DEFB121: variants seen among roughly 807,000 people sequenced by gnomAD.
DEFB121 encodes the protein beta-defensin 121.
A neutral mutation model predicts 2.5 loss-of-function variants in DEFB121; 5 were observed. The ratio of observed to expected loss-of-function variants is 1.96; its 90% CI spans 1.03 to 4.13. DEFB121 has a LOEUF of 4.13. Among genes scored for constraint, DEFB121 ranks in the 30% most tolerant of loss-of-function variants. The pLI is 0.00. For synonymous variants in DEFB121, 39 were observed against 32.6 expected (o/e 1.20, Z -0.67); for missense variants, 87 against 85.0 (o/e 1.02, Z -0.09).
chr20:31,409,629 TA>T (rs1458414096), upstream of DEFB121, among the ~76,000 whole-genome samples: 1 of 152,148 alleles, frequency 6.6e-6, no homozygotes, highest in African/African-American at 2.4e-5. Flanking sequence ...TAATCCCAGC[TA>T]CTTGGTAGGC....
upstream of DEFB121, among the ~76,000 whole-genome samples, chr20:31,415,648 A>AATAT (rs3068507): frequency 2.9e-4 from 44 of 151,356 alleles, no homozygotes; most frequent in South Asian, 6.3e-4. Flanking sequence ...AATCAAAATA[A>AATAT]ATATATATAT....
At chr20:31,418,259 C>CAAGAAAAAAAAAAAAAA in the DEFB121 span, among the ~76,000 whole-genome samples, 1 of 82,922 alleles carries the variant, frequency 1.2e-5, no homozygotes, top group Non-Finnish European at 2.5e-5. Context: ...GACTCCGTCT[C>CAAGAAAAAAAAAAAAAA]AAAAAAAAAA....
chr20:31,412,621 C>T, intron 1 of DEFB121: 1 of 1,290,926 alleles, frequency 7.7e-7, no homozygotes. Flanking sequence ...TGAATCCTCA[C>T]CTTCCTTGAC....
chr20:31,413,468 T>A (rs1023701029), upstream of DEFB121, among the ~76,000 whole-genome samples: 1 of 152,100 alleles, frequency 6.6e-6, no homozygotes, highest in East Asian at 1.9e-4. Context: ...AAAAGAAGAA[T>A]CTTGGTGGCT....
At chr20:31,407,714 G>A (rs17090740), upstream of DEFB121, among the ~76,000 whole-genome samples, 3,028 of 152,332 alleles carry the variant, frequency 0.02, 70 homozygotes, top group African/African-American at 0.056. Flanking sequence ...CACAAGGCCA[G>A]CAGATAGATC....
chr20:31,409,077 G>C (rs1978581141), upstream of DEFB121, among the ~76,000 whole-genome samples: 2 of 151,446 alleles, frequency 1.3e-5, no homozygotes, highest in Admixed American at 6.6e-5. Flanking sequence ...CCAGGAGTTT[G>C]AGACCAGCCT....
the DEFB121 span, among the ~76,000 whole-genome samples, chr20:31,418,110 A>C: frequency 6.8e-6 from 1 of 148,110 alleles, no homozygotes; most frequent in Non-Finnish European, 1.5e-5. Flanking sequence ...AATACAAAAA[A>C]TTAGCCGGGC....
upstream of DEFB121, among the ~76,000 whole-genome samples, chr20:31,410,686 T>G (rs1164254814): frequency 1.3e-5 from 2 of 152,072 alleles, no homozygotes; most frequent in Non-Finnish European, 2.9e-5. Context: ...GGAACCCATT[T>G]CCTCTCCTTC....
chr20:31,405,202 G>C (rs1453546056), intron 1 of DEFB121, 117 bp from the exon 2 acceptor site: 25 of 978,870 alleles, frequency 2.6e-5, no homozygotes, highest in Non-Finnish European at 3.7e-5. Context: ...GGTCTGTGGG[G>C]AAGAAGCTCT....
chr20:31,417,441 T>C (rs189236925), upstream of DEFB121, among the ~76,000 whole-genome samples: 81 of 151,112 alleles, frequency 5.4e-4, 1 homozygote, highest in East Asian at 0.013. Context: ...ATGACAGAGA[T>C]AAAATAAAAG....
chr20:31,409,174 T>A (rs994825725), upstream of DEFB121, among the ~76,000 whole-genome samples: 1 of 152,186 alleles, frequency 6.6e-6, no homozygotes, highest in Admixed American at 6.5e-5. Flanking sequence ...TTTCTTGGTA[T>A]CTCCACTTTG....
upstream of DEFB121, among the ~76,000 whole-genome samples, chr20:31,417,581 T>C (rs1568742101): frequency 6.6e-6 from 1 of 152,040 alleles, no homozygotes; most frequent in Non-Finnish European, 1.5e-5. Flanking sequence ...TAAAGGAAGA[T>C]TGTCCTAAAA....
chr20:31,415,545 G>A (rs962790240), upstream of DEFB121, among the ~76,000 whole-genome samples: 19 of 151,976 alleles, frequency 1.3e-4, no homozygotes, highest in African/African-American at 3.6e-4. Context: ...CTACCATGCC[G>A]GCGATGAACA....
chr20:31,411,658 T>G (rs912173012), intron 1 of DEFB121, among the ~76,000 whole-genome samples: 7 of 151,590 alleles, frequency 4.6e-5, no homozygotes, highest in Non-Finnish European at 7.4e-5. Context: ...AAATGGTACA[T>G]TAGGAAAATT....
At chr20:31,418,336 A>G in the DEFB121 span, among the ~76,000 whole-genome samples, 1 of 151,854 alleles carries the variant, frequency 6.6e-6, no homozygotes, top group Non-Finnish European at 1.5e-5. Flanking sequence ...TCAAAATCCT[A>G]GAGAGAAGAC....
upstream of DEFB121, among the ~76,000 whole-genome samples, chr20:31,417,575 G>T (rs532377720): frequency 6.6e-5 from 10 of 152,218 alleles, no homozygotes; most frequent in African/African-American, 2.4e-4. Flanking sequence ...AATAAGTAAA[G>T]GAAGATTGTC....
the DEFB121 span, among the ~76,000 whole-genome samples, chr20:31,418,020 G>A: frequency 6.6e-4 from 100 of 150,854 alleles, no homozygotes; most frequent in African/African-American, 2.4e-3. Flanking sequence ...CAGCACTTTG[G>A]GAGGCCGAGG....
upstream of DEFB121, chr20:31,406,402 G>T: frequency 1.5e-6 from 1 of 648,362 alleles, no homozygotes; most frequent in Non-Finnish European, 2.1e-6. Flanking sequence ...CCTTGCCTCT[G>T]AAGAATTTTA....
At chr20:31,412,246 G>T (rs1052593214) in intron 1 of DEFB121, among the ~76,000 whole-genome samples, 2 of 152,178 alleles carry the variant, frequency 1.3e-5, no homozygotes, top group Admixed American at 1.3e-4. Flanking sequence ...CCAACTCTCT[G>T]GTTCCTGGTG....
Sources: allele counts gnomAD v4.1 joint callset (sites outside exome capture counted in the v4.1 genomes callset), GRCh38; gene constraint gnomAD v4.1.1; transcripts MANE v1.5; gene names NCBI Gene and HGNC (gene_info 2026-07-23, HGNC 2026-07-21).